ZNF521: variants seen among roughly 807,000 people sequenced by gnomAD.
ZNF521 encodes LYST-interacting protein 3.
ZNF521 carries 14 observed loss-of-function variants against 105.5 expected under a neutral mutation model. The observed-to-expected ratio is 0.13, with a 90% CI of 0.09 to 0.21. ZNF521 has a LOEUF of 0.21. Among genes scored for constraint, ZNF521 ranks in the 10% least tolerant of loss-of-function variants. ZNF521 has a pLI of 1.00. For missense variants in ZNF521, 1,233 were observed against 1,629.7 expected, an observed-to-expected ratio of 0.76 and a Z score of 4.19; for synonymous variants, 635 against 606.0, an observed-to-expected ratio of 1.05 and a Z score of -0.70.
chr18:25,085,892 T>C (rs902637596), intron 7 of ZNF521, among the ~76,000 whole-genome samples: 1 of 152,052 alleles, frequency 6.6e-6, no homozygotes, highest in Admixed American at 6.5e-5. Flanking sequence ...AAGATATCCA[T>C]AGTGATGTTG....
chr18:25,225,353 T>C lies in ZNF521; in HGVS notation c.2565A>G (p.Glu855=), dbSNP rs142161779. The change falls in exon 4 of 8, where the codon GAA becomes GAG. Residue 855 remains glutamate (E), a synonymous_variant. Coordinates refer to ENST00000361524, the MANE Select transcript of ZNF521 (RefSeq NM_015461.3). This position sits in a 1 kb window ranked among gnomAD's most constrained non-coding sequence, Gnocchi z 5.6. ...TGGTCAGCAAAGTCTGCAGCTCCACTTCCTCTTTCTGCACTTGCTCGGAAG... is the reference window on the plus strand; with the variant it reads ...TGGTCAGCAAAGTCTGCAGCTCCACCTCCTCTTTCTGCACTTGCTCGGAAG... ...NGASEQVQKE[E]VELQTLLTNS... is the part of the protein sequence containing the mutation. 6.2e-7 allele frequency: 1 copy of C among 1,614,196 alleles called. No homozygotes were observed. Among genetic ancestry groups the C allele is most frequent in the African/African-American group, 1.3e-5 (1 of 75,042 alleles).
At chr18:25,089,297 C>T (rs2033694061) in intron 7 of ZNF521, among the ~76,000 whole-genome samples, 168 bp downstream of exon 7, 2 of 152,176 alleles carry the variant, frequency 1.3e-5, no homozygotes, top group South Asian at 2.1e-4. Flanking sequence ...GGCAAAATTA[C>T]TTTGGTGTCT....
At chr18:25,317,613 C>T (rs542047520) in intron 3 of ZNF521, among the ~76,000 whole-genome samples, 2 of 152,288 alleles carry the variant, frequency 1.3e-5, no homozygotes, top group African/African-American at 2.4e-5. Flanking sequence ...AATGTTAGTG[C>T]TGATTCTACG....
chr18:25,216,951 A>G (rs1371414449), intron 4 of ZNF521, among the ~76,000 whole-genome samples: 3 of 152,214 alleles, frequency 2.0e-5, no homozygotes, highest in Non-Finnish European at 4.4e-5. Flanking sequence ...GACGAGAAAG[A>G]GCCAGCAGAA....
intron 5 of ZNF521, among the ~76,000 whole-genome samples, chr18:25,194,305 T>G (rs1029629212): frequency 1.3e-5 from 2 of 151,622 alleles, no homozygotes; most frequent in Admixed American, 6.6e-5. Flanking sequence ...AAAACATAAA[T>G]GAGTAACAAA....
At chr18:25,187,335 G>A (rs193248011) in intron 5 of ZNF521, among the ~76,000 whole-genome samples, 1 of 151,988 alleles carries the variant, frequency 6.6e-6, no homozygotes, top group Non-Finnish European at 1.5e-5. Flanking sequence ...CAATGTAAGC[G>A]TGAACTTAAA....
At chr18:25,251,149 C>T (rs74596537) in intron 3 of ZNF521, among the ~76,000 whole-genome samples, 2,254 of 152,280 alleles carry the variant, frequency 0.015, 45 homozygotes, top group East Asian at 0.076. Context: ...GGAGAAAATG[C>T]CGATTTGCTA....
At chr18:25,331,267 T>C (rs1598481773) in intron 2 of ZNF521, among the ~76,000 whole-genome samples, 1 of 151,610 alleles carries the variant, frequency 6.6e-6, no homozygotes, top group African/African-American at 2.4e-5. Context: ...ATTTTTAATA[T>C]CCAGCTAATC....
chr18:25,351,099 GGCTCGC>G (rs889761111), intron 1 of ZNF521, 152 bp from the exon 2 acceptor site: 1 of 332,564 alleles, frequency 3.0e-6, no homozygotes, highest in Admixed American at 6.4e-5. Context: ...CTCCGGCTCC[GGCTCGC>G]GCTCGCGCGC....
intron 3 of ZNF521, among the ~76,000 whole-genome samples, chr18:25,291,766 A>G (rs1331420246): frequency 6.6e-6 from 1 of 152,180 alleles, no homozygotes; most frequent in African/African-American, 2.4e-5. Flanking sequence ...ATAAGCCTCT[A>G]CAAGTGGTAT....
chr18:25,297,035 G>GT (rs760003295), intron 3 of ZNF521, among the ~76,000 whole-genome samples: 2 of 151,522 alleles, frequency 1.3e-5, no homozygotes, highest in Non-Finnish European at 2.9e-5. Flanking sequence ...GTAAAGCCTT[G>GT]TAAGTAGCAA....
intron 5 of ZNF521, among the ~76,000 whole-genome samples, chr18:25,121,971 C>T (rs913753772): frequency 6.6e-6 from 1 of 151,726 alleles, no homozygotes; most frequent in African/African-American, 2.4e-5. Context: ...ACACATAGGG[C>T]AAAGCAAAAA....
chr18:25,294,490 T>C (rs1268368241), intron 3 of ZNF521, among the ~76,000 whole-genome samples: 3 of 152,172 alleles, frequency 2.0e-5, no homozygotes, highest in Admixed American at 6.5e-5. Flanking sequence ...ATGTGCAAAT[T>C]ACAGTCAAAT....
intron 2 of ZNF521, among the ~76,000 whole-genome samples, chr18:25,337,719 T>G (rs1913969434): frequency 1.3e-5 from 2 of 152,336 alleles, no homozygotes; most frequent in Admixed American, 1.3e-4. Flanking sequence ...ATTAAAATTT[T>G]AAATGCACAT....
intron 5 of ZNF521, among the ~76,000 whole-genome samples, chr18:25,114,479 A>T (rs1191654663): frequency 2.6e-5 from 4 of 152,212 alleles, no homozygotes; most frequent in African/African-American, 4.8e-5. Flanking sequence ...TTTCTGGTTT[A>T]TAATATACAA....
At chr18:25,096,369 G>T (rs2033851728) in intron 5 of ZNF521, among the ~76,000 whole-genome samples, 1 of 152,170 alleles carries the variant, frequency 6.6e-6, no homozygotes, top group South Asian at 2.1e-4. Context: ...TATAAAACCT[G>T]GACCTACATA....
intron 7 of ZNF521, among the ~76,000 whole-genome samples, chr18:25,075,796 G>C (rs2033347758): frequency 6.6e-6 from 1 of 152,178 alleles, no homozygotes; most frequent in Non-Finnish European, 1.5e-5. Context: ...AAAAGTTATT[G>C]TCACATCCTA....
At chr18:25,150,324 G>C (rs1348724146) in intron 5 of ZNF521, among the ~76,000 whole-genome samples, 1 of 152,118 alleles carries the variant, frequency 6.6e-6, no homozygotes, top group Non-Finnish European at 1.5e-5. Context: ...TACAAATTGA[G>C]TACAGTGTAT....
At chr18:25,218,902 A>C (rs1905513204) in intron 4 of ZNF521, among the ~76,000 whole-genome samples, 1 of 152,056 alleles carries the variant, frequency 6.6e-6, no homozygotes, top group Non-Finnish European at 1.5e-5. Context: ...TTTGAACTGC[A>C]TAGGTCCACT....
Sources: allele counts gnomAD v4.1 joint callset (sites outside exome capture counted in the v4.1 genomes callset), GRCh38; gene constraint gnomAD v4.1.1; non-coding constraint Gnocchi (gnomAD v3.1); transcripts MANE v1.5; gene names NCBI Gene and HGNC (gene_info 2026-07-23, HGNC 2026-07-21).